Variants in CAST observed in about 807,000 individuals in gnomAD.
The protein encoded by CAST is MIR583 host.
CAST carries 76 observed loss-of-function variants against 119.6 expected under a neutral mutation model. The ratio of observed to expected loss-of-function variants is 0.64; its 90% CI spans 0.53 to 0.77. The LOEUF (loss-of-function observed/expected upper bound fraction) is 0.77, where lower values mean the gene tolerates loss of function less well. CAST is among the 30% of genes least tolerant of loss of function. The probability of loss-of-function intolerance (pLI) is 0.00; values close to 1 mark genes in which losing one functional copy is unlikely to be tolerated. For missense variants in CAST, 953 were observed against 946.5 expected (o/e 1.01, Z -0.09); for synonymous variants, 319 against 331.6 (o/e 0.96, Z 0.41).
the CAST span, among the ~76,000 whole-genome samples, chr5:96,244,379 T>C: frequency 1.3e-5 from 2 of 152,244 alleles, no homozygotes; most frequent in Non-Finnish European, 2.9e-5. Context: ...CTAAATATAG[T>C]GTTGTATTGT....
the CAST span, among the ~76,000 whole-genome samples, chr5:96,237,854 T>C: frequency 6.6e-6 from 1 of 152,130 alleles, no homozygotes; most frequent in East Asian, 1.9e-4. Flanking sequence ...TTTTTGATTC[T>C]GTCCTTTTCC....
At chr5:96,656,691 A>G (rs980381599) in intron 1 of CAST, among the ~76,000 whole-genome samples, 30 of 152,214 alleles carry the variant, frequency 2.0e-4, no homozygotes, top group African/African-American at 7.0e-4. Context: ...CAGGTCTACC[A>G]TTGGTCCAGT....
At chr5:96,535,034 T>C (rs1745781207) in intron 1 of CAST, among the ~76,000 whole-genome samples, 1 of 152,154 alleles carries the variant, frequency 6.6e-6, no homozygotes, top group African/African-American at 2.4e-5. Context: ...AATGTAAACA[T>C]TTCATTGACT....
the CAST span, among the ~76,000 whole-genome samples, chr5:96,337,359 A>G: frequency 6.6e-6 from 1 of 152,220 alleles, no homozygotes; most frequent in African/African-American, 2.4e-5. Context: ...TGGTCTCTGT[A>G]TGCTCATATA....
chr5:96,192,520 GA>G, the CAST span, among the ~76,000 whole-genome samples: 1 of 152,242 alleles, frequency 6.6e-6, no homozygotes, highest in East Asian at 1.9e-4. Context: ...TATAGAATGG[GA>G]AAAATTCAAA....
the CAST span, among the ~76,000 whole-genome samples, chr5:96,153,015 C>T: frequency 2.6e-5 from 4 of 152,228 alleles, no homozygotes; most frequent in Non-Finnish European, 5.9e-5. Flanking sequence ...AACTAGATGG[C>T]TTTGCCAGTA....
At chr5:96,425,285 C>T in the CAST span, among the ~76,000 whole-genome samples, 2 of 152,210 alleles carry the variant, frequency 1.3e-5, no homozygotes, top group African/African-American at 2.4e-5. Flanking sequence ...ACAATTTCTT[C>T]GCTCAAGGAT....
At chr5:96,751,690 T>C (rs1198115845) in intron 20 of CAST, among the ~76,000 whole-genome samples, 1 of 152,084 alleles carries the variant, frequency 6.6e-6, no homozygotes, top group Non-Finnish European at 1.5e-5. Flanking sequence ...GAGGCTGTGA[T>C]TGGAGTCAAA....
In CAST at chr5:96,675,519, TA is replaced by T. The variant is rs1423703972; in HGVS notation, c.76-19del. The stretch of plus-strand genomic sequence containing the variant: ...TGTGTCATCTTCCTTTATTAAGCAT[TA>T]TTTTTTACTTTTTTATAGCATGTCA... On this transcript the variant is annotated intron_variant, in intron 1 of 31. Transcript: ENST00000675179. 2.5e-6 allele frequency: 4 copies of T among 1,573,018 alleles called. No homozygotes were observed. Among genetic ancestry groups the T allele is most frequent in the Admixed American group, 1.7e-5 (1 of 59,858 alleles).
chr5:96,056,741 C>A, the CAST span, among the ~76,000 whole-genome samples: 3 of 152,204 alleles, frequency 2.0e-5, no homozygotes, highest in Admixed American at 2.0e-4. Flanking sequence ...GTAAAGCCAG[C>A]CTCTGTTTTG....
the CAST span, among the ~76,000 whole-genome samples, chr5:96,371,623 A>G: frequency 6.6e-6 from 1 of 152,218 alleles, no homozygotes; most frequent in Admixed American, 6.5e-5. Flanking sequence ...TGTAAATCAC[A>G]GGAAAGAAGG....
At chr5:96,119,968 G>A in the CAST span, among the ~76,000 whole-genome samples, 4 of 152,254 alleles carry the variant, frequency 2.6e-5, no homozygotes, top group African/African-American at 9.6e-5. Context: ...GACATCACCA[G>A]TATCTTTTTA....
chr5:96,006,060 AATG>A, the CAST span, among the ~76,000 whole-genome samples: 1 of 152,200 alleles, frequency 6.6e-6, no homozygotes, highest in African/African-American at 2.4e-5. Context: ...CGATTTTTAA[AATG>A]ATGAGTGAAT....
At chr5:96,536,816 A>C (rs1745824152) in intron 1 of CAST, among the ~76,000 whole-genome samples, 1 of 139,110 alleles carries the variant, frequency 7.2e-6, no homozygotes, top group African/African-American at 2.7e-5. Flanking sequence ...TGATGGAGGG[A>C]TATTTGTAAC....
chr5:96,755,473 T>A (rs986968195), intron 22 of CAST, among the ~76,000 whole-genome samples: 3 of 152,328 alleles, frequency 2.0e-5, no homozygotes, highest in Non-Finnish European at 2.9e-5. Flanking sequence ...AGTTGCCCCA[T>A]TTCTTCTATT....
chr5:96,687,270 TG>T (rs1752193175), intron 2 of CAST, among the ~76,000 whole-genome samples: 1 of 151,934 alleles, frequency 6.6e-6, no homozygotes, highest in Non-Finnish European at 1.5e-5. Flanking sequence ...TTGCTATGAG[TG>T]GGTAGTGCAG....
the CAST span, among the ~76,000 whole-genome samples, chr5:96,283,471 CACTTAG>C: frequency 6.6e-6 from 1 of 152,326 alleles, no homozygotes; most frequent in African/African-American, 2.4e-5. Context: ...TGGCCGCAGG[CACTTAG>C]ACTCTTTCAC....
chr5:96,230,197 A>G, the CAST span, among the ~76,000 whole-genome samples: 30 of 152,166 alleles, frequency 2.0e-4, no homozygotes, highest in African/African-American at 6.5e-4. Context: ...CTTCTTTCCT[A>G]TGGTCAGAAG....
At chr5:96,369,792 A>G in the CAST span, among the ~76,000 whole-genome samples, 2 of 151,818 alleles carry the variant, frequency 1.3e-5, no homozygotes, top group East Asian at 3.9e-4. Context: ...ATTCCGTTTT[A>G]TTTTCCTTCT....
Sources: allele counts gnomAD v4.1 joint callset (sites outside exome capture counted in the v4.1 genomes callset), GRCh38; gene constraint gnomAD v4.1.1; transcripts MANE v1.5; gene names NCBI Gene and HGNC (gene_info 2026-07-23, HGNC 2026-07-21).